Variants in SUSD2 observed in about 807,000 individuals in gnomAD.
The protein encoded by SUSD2 is sushi domain-containing protein 2.
In SUSD2, 86 loss-of-function variants were observed where a neutral mutation model predicts 93.8. The ratio of observed to expected loss-of-function variants is 0.92; its 90% CI spans 0.77 to 1.10. The LOEUF is 1.10. SUSD2 is among the 50% of genes least tolerant of loss of function. The pLI is 0.00. For missense variants in SUSD2, 1,060 were observed against 1,137.0 expected (o/e 0.93, Z 0.97); for synonymous variants, 483 against 485.0 (o/e 1.00, Z 0.05).
Position 24,187,260 on chromosome 22 carries a change from C to G in SUSD2, c.1701C>G (p.Ala567=). The change falls in exon 11 of 15, where the codon GCC becomes GCG. Residue 567 remains alanine, a synonymous_variant. Coordinates refer to ENST00000358321, the MANE Select transcript of SUSD2 (RefSeq NM_019601.4). ...DRVSIMLASG[A]GLEVSVQGPF... ...TCTCCATCATGCTGGCATCAGGGGC[C>G]GGCCTGGAGGTCAGCGTGCAGGGCC... The G allele has an allele frequency of 6.2e-7, 1 of 1,613,984 alleles. No individual in the cohort carries two copies. The highest frequency in any genetic ancestry group is 8.5e-7 in the Non-Finnish European group (1 of 1,180,012).
rs1401312091 is a variant in SUSD2 at position 24,188,320 on chromosome 22, G to A, written c.2437G>A (p.Gly813Ser). ...CTATGTGCTGCTGCGCCGCAGGAAG[G>A]GCAACACGTGAGACCCCCCAGCCCC... ...LVYVLLRRRK[G>S]NTHVWGAQP Residue 813 changes from glycine (G) to serine (S), a missense_variant, in exon 14 of 15, where the codon GGC (glycine) becomes AGC (serine). By Grantham distance (56) the Gly-to-Ser change is moderately conservative. Around this residue, in one of 2 missense-constraint regions of SUSD2, gnomAD observed 973 missense variants for 1,005.3 expected, o/e 0.97. Coordinates refer to ENST00000358321, the MANE Select transcript of SUSD2 (RefSeq NM_019601.4). This position sits in a 1 kb window ranked among gnomAD's most constrained non-coding sequence, Gnocchi z 4.7. 2 of 1,606,270 alleles carry A rather than the reference G, an allele frequency of 1.2e-6. No homozygotes were observed. The highest frequency in any genetic ancestry group is 8.5e-7 in the Non-Finnish European group (1 of 1,176,950).
chr22:24,181,511 GGC>G lies in SUSD2; in HGVS notation c.-8_-7del. On this transcript the variant is annotated 5_prime_UTR_variant, in exon 1 of 15. Transcript: ENST00000358321. Reference sequence around the variant, plus strand: ...CACTGCACTGCTGGCTGCAGACACAGGCTGCACCATGAAGCCAGCCCTCCTGC... The same window carrying G: ...CACTGCACTGCTGGCTGCAGACACAGTGCACCATGAAGCCAGCCCTCCTGC... 6.4e-7 allele frequency: 1 copy of G among 1,570,566 alleles called. No homozygotes were observed.
chr22:24,181,818 G>A lies in SUSD2; in HGVS notation c.76+223G>A, dbSNP rs150783971. Among the ~76,000 whole-genome samples the A allele has an allele frequency of 4.0e-3, 611 of 152,318 alleles. 2 individuals carry two copies. Among genetic ancestry groups the A allele is most frequent in the African/African-American group, 0.014 (584 of 41,566 alleles). ...CCTAAACCTGCTGGTAGCTAGGAGGGAGGCGGGGGAGACCAGCAGAGGCCT... is the reference window on the plus strand; with the variant it reads ...CCTAAACCTGCTGGTAGCTAGGAGGAAGGCGGGGGAGACCAGCAGAGGCCT... On this transcript the variant is annotated intron_variant, in intron 1 of 14. Coordinates refer to ENST00000358321, the MANE Select transcript of SUSD2 (RefSeq NM_019601.4).
chr22:24,187,489 G>T, intron 11 of SUSD2, 39 bp downstream of exon 11: 1 of 1,607,056 alleles, frequency 6.2e-7, no homozygotes, highest in Non-Finnish European at 8.5e-7. Flanking sequence ...ACGGGGTGGG[G>T]GTTACTGGAA....
In SUSD2 at chr22:24,184,882, C is replaced by T. The variant is rs1255717934; in HGVS notation, c.724C>T (p.Gln242Ter). ...FTPKPAPPSY[Q>*]RWRVGALRII... is the part of the protein sequence containing the mutation. ...CCCAAAACCTGCTCCTCCCAGCTAC[C>T]AGAGATGGCGAGTGGGTGCACTTCG... is the stretch of plus-strand genomic sequence containing the variant. The change falls in exon 5 of 15, where the codon CAG becomes TAG. Residue 242 changes from glutamine (Q) to a stop codon, truncating the protein, a stop_gained. Transcript: ENST00000358321. LOFTEE classifies it high-confidence loss of function. 1.2e-6 allele frequency: 2 copies of T among 1,614,088 alleles called. No individual in the cohort carries two copies. Among genetic ancestry groups the T allele is most frequent in the Admixed American group, 1.7e-5 (1 of 60,010 alleles).
At position 24,183,569 on chromosome 22, in the gene SUSD2, A is replaced by G. The variant is rs2148865340; in HGVS notation, c.362A>G (p.Tyr121Cys). The part of the protein sequence containing the change: ...GQVHCVSPLL[Y>C]ESGRIPFTVS... ...GTGCACTGTGTGTCACCTCTGCTCT[A>G]TGAGAGCGGCCGCATCCCCTTCACT... The change falls in exon 3 of 15, where the codon TAT (tyrosine) becomes TGT (cysteine). Residue 121 changes from tyrosine (Y) to cysteine (C), a missense_variant. By Grantham distance (194) the Tyr-to-Cys change is radical. Around this residue, in one of 2 missense-constraint regions of SUSD2, gnomAD observed 973 missense variants for 1,005.3 expected, o/e 0.97. Transcript: ENST00000358321. 1 of 1,613,374 alleles carries G rather than the reference A, an allele frequency of 6.2e-7. No homozygotes were observed. The highest frequency in any genetic ancestry group is 8.5e-7 in the Non-Finnish European group (1 of 1,179,968).
At position 24,188,300 on chromosome 22, in the gene SUSD2, T is replaced by G. The variant is rs1192051417; in HGVS notation, c.2417T>G (p.Val806Gly). Residue 806 changes from valine to glycine, a missense_variant, in exon 14 of 15, where the codon GTG becomes GGG. Transcript: ENST00000358321. This position sits in a 1 kb window ranked among gnomAD's most constrained non-coding sequence, Gnocchi z 4.7. ...AVVAAVALVY[V>G]LLRRRKGNTH... Reference sequence around the variant, plus strand: ...GTGGCGGCGGTTGCGCTCGTCTATGTGCTGCTGCGCCGCAGGAAGGGCAAC... The same window carrying G: ...GTGGCGGCGGTTGCGCTCGTCTATGGGCTGCTGCGCCGCAGGAAGGGCAAC... The G allele has an allele frequency of 6.2e-7, 1 of 1,606,580 alleles. No individual in the cohort carries two copies. The highest frequency in any genetic ancestry group is 8.5e-7 in the Non-Finnish European group (1 of 1,177,050).
At position 24,185,581 on chromosome 22, in the gene SUSD2, C is replaced by G. The variant is rs1333050966; in HGVS notation, c.1070+10C>G. ...GTTCTGTGCAGGCCAGGTGAGCCCC[C>G]AGGCTGGGGCCGGTATGGGGATTGG... On this transcript the variant is annotated intron_variant, in intron 7 of 14. Transcript: ENST00000358321. The G allele has an allele frequency of 5.6e-6, 9 of 1,595,002 alleles. No individual in the cohort carries two copies. The Middle Eastern group carries it at 1.5e-3, about 265-fold the overall frequency.
chr22:24,181,666 C>T, intron 1 of SUSD2, 71 bp downstream of exon 1: 1 of 1,237,938 alleles, frequency 8.1e-7, no homozygotes, highest in Non-Finnish European at 1.1e-6. Context: ...GGGCTGACAT[C>T]CCTCTGGGCT....
At position 24,188,055 on chromosome 22, in the gene SUSD2, G is replaced by A. The variant is rs1245914086; in HGVS notation, c.2261G>A (p.Gly754Asp). 6.2e-7 allele frequency: 1 copy of A among 1,612,864 alleles called. No individual in the cohort carries two copies. The change falls in exon 13 of 15, where the codon GGC becomes GAC. Residue 754 changes from glycine (G) to aspartate (D), a missense_variant. Transcript: ENST00000358321. The surrounding 1 kb of genome is among the most constrained non-coding windows in gnomAD (Gnocchi z 4.7). ...ACCATCTACTTCCACTGTGACAACG[G>A]CTACAGCCTGGCCGGGGCAGAGACC... ...GSTIYFHCDN[G>D]YSLAGAETST...
chr22:24,187,320 G>A lies in SUSD2; in HGVS notation c.1761G>A (p.Lys587=), dbSNP rs542888315. The A allele has an allele frequency of 3.1e-6, 5 of 1,613,994 alleles. No homozygotes were observed. Among genetic ancestry groups the A allele is most frequent in the South Asian group, 2.2e-5 (2 of 91,086 alleles). Reference sequence around the variant, plus strand: ...GTGTGTCCGTCCTGCTGCCTGAGAAGTTCCTCACCCACACCCACGGCCTCC... The same window carrying A: ...GTGTGTCCGTCCTGCTGCCTGAGAAATTCCTCACCCACACCCACGGCCTCC... ...FLSVSVLLPE[K]FLTHTHGLLG... The change falls in exon 11 of 15, where the codon AAG becomes AAA. Residue 587 remains lysine (K), a synonymous_variant. Coordinates refer to ENST00000358321, the MANE Select transcript of SUSD2 (RefSeq NM_019601.4).
At chr22:24,187,170 G>A (rs17642338) in intron 10 of SUSD2, 32 bp from the exon 11 acceptor site, 63,512 of 1,599,766 alleles carry the variant, frequency 0.04, 1,480 homozygotes, top group Non-Finnish European at 0.046. Context: ...TGCTCACAGC[G>A]GGTGACCCTA....
chr22:24,188,865 G>A lies in SUSD2; in HGVS notation c.*429G>A, dbSNP rs1329144863. The A allele has an allele frequency of 5.5e-6, 1 of 182,386 alleles. No homozygotes were observed. Among genetic ancestry groups the A allele is most frequent in the East Asian group, 1.5e-4 (1 of 6,514 alleles). The allele number at this position is 182,386 out of a possible 1,614,324, so 11.3% of individuals were successfully genotyped here. A position where few individuals can be genotyped will look rare whatever the true frequency, so the allele number is the denominator to read the frequency against. On this transcript the variant is annotated 3_prime_UTR_variant, in exon 15 of 15. Transcript: ENST00000358321. This position sits in a 1 kb window ranked among gnomAD's most constrained non-coding sequence, Gnocchi z 4.7. ...GGCCCCTGACCCCTGATCTACGGAG[G>A]CCTGCTCCCGGACCGTGCGGGCACC...
chr22:24,183,736 C>T, intron 3 of SUSD2, 90 bp downstream of exon 3: 2 of 1,413,892 alleles, frequency 1.4e-6, no homozygotes, highest in Non-Finnish European at 1.9e-6. Flanking sequence ...TGTCCGTGCC[C>T]TGCCTCTCTG....
Position 24,186,411 on chromosome 22 carries a change from GA to G in SUSD2, c.1641del (p.Gly548GlufsTer31). On this transcript the variant is annotated frameshift_variant, in exon 10 of 15. Coordinates refer to ENST00000358321, the MANE Select transcript of SUSD2 (RefSeq NM_019601.4). LOFTEE classifies it high-confidence loss of function. The stretch of plus-strand genomic sequence containing the variant: ...TCACCGAGCAGAGCTGGATGGACCT[GA>G]AAGGTGAGCAGTCCAGCCACGCGAG... ...SFTEQSWMDL[K>X]GMFLSVAAGD... 1 of 1,613,142 alleles carries G rather than the reference GA, an allele frequency of 6.2e-7. No individual in the cohort carries two copies. Among genetic ancestry groups the G allele is most frequent in the South Asian group, 1.1e-5 (1 of 91,054 alleles).
Position 24,183,597 on chromosome 22 carries a change from G to T in SUSD2, c.390G>T (p.Val130=). The T allele has an allele frequency of 6.2e-7, 1 of 1,613,300 alleles. No homozygotes were observed. Residue 130 remains valine, a synonymous_variant, in exon 3 of 15, where the codon GTG becomes GTT. Transcript: ENST00000358321. ...AGAGCGGCCGCATCCCCTTCACTGT[G>T]TCACTGGACAACGGCCACTCCTTCC... ...LYESGRIPFT[V]SLDNGHSFPR...
In SUSD2 at chr22:24,187,729, G is replaced by A. The variant is rs1367484255; in HGVS notation, c.2050G>A (p.Gly684Arg). 3.7e-6 allele frequency: 6 copies of A among 1,613,908 alleles called. No homozygotes were observed. In the South Asian group the frequency reaches 5.5e-5, roughly 15 times the overall value. The change falls in exon 12 of 15, where the codon GGG becomes AGG. Residue 684 changes from glycine (G) to arginine (R), a missense_variant. Gly to Arg is a moderately radical substitution (Grantham distance 125). Around this residue, in one of 2 missense-constraint regions of SUSD2, gnomAD observed 973 missense variants for 1,005.3 expected, o/e 0.97. Coordinates refer to ENST00000358321, the MANE Select transcript of SUSD2 (RefSeq NM_019601.4). ...SLAQEAAKLC[G>R]DDHFCNFDVA... ...GGCACAAGAGGCAGCCAAACTATGT[G>A]GGGACGATCATTTCTGCAACTTTGA...
At position 24,185,884 on chromosome 22, in the gene SUSD2, C is replaced by G; in HGVS notation, c.1294C>G (p.Arg432Gly). The stretch of plus-strand genomic sequence containing the variant: ...ACCCGACTGCCCCCGCTACATGCAA[C>G]GGCGGCCCTCCAATGACTGCCGCAA... ...WAPDCPRYMQ[R>G]RPSNDCRNYR... Residue 432 changes from arginine (R) to glycine (G), a missense_variant, in exon 8 of 15, where the codon CGG becomes GGG. By Grantham distance (125) the Arg-to-Gly change is moderately radical. Coordinates refer to ENST00000358321, the MANE Select transcript of SUSD2 (RefSeq NM_019601.4). The G allele has an allele frequency of 6.3e-7, 1 of 1,584,638 alleles. No homozygotes were observed.
chr22:24,185,733 C>A lies in SUSD2; in HGVS notation c.1143C>A (p.Ser381Arg), dbSNP rs1230608674. 6.2e-7 allele frequency: 1 copy of A among 1,609,416 alleles called. No homozygotes were observed. Among genetic ancestry groups the A allele is most frequent in the Non-Finnish European group, 8.5e-7 (1 of 1,178,844 alleles). Residue 381 changes from serine (S) to arginine (R), a missense_variant, in exon 8 of 15, where the codon AGC (serine) becomes AGA (arginine). Ser to Arg is a moderately radical substitution (Grantham distance 110, BLOSUM62 -1). Around this residue, in one of 2 missense-constraint regions of SUSD2, gnomAD observed 973 missense variants for 1,005.3 expected, o/e 0.97. Transcript: ENST00000358321. ...DGTQLLTADS[S>R]GGSTPDRGHD... ...CGCAGCTCCTGACAGCTGACTCCAG[C>A]GGCGGCAGCACTCCCGACCGCGGCC...
Sources: allele counts gnomAD v4.1 joint callset (sites outside exome capture counted in the v4.1 genomes callset), GRCh38; gene constraint gnomAD v4.1.1; regional missense constraint gnomAD v4.1.1; non-coding constraint Gnocchi (gnomAD v3.1); transcripts MANE v1.5; gene names NCBI Gene and HGNC (gene_info 2026-07-23, HGNC 2026-07-21).